The following RALGAPB variants were observed in gnomAD, a reference collection of about 807,000 sequenced individuals.
The protein encoded by RALGAPB is Ral GTPase activating protein non-catalytic subunit beta.
In RALGAPB, 25 loss-of-function variants were observed where a neutral mutation model predicts 161.1. The ratio of observed to expected loss-of-function variants is 0.16; its 90% CI spans 0.11 to 0.22. The LOEUF (loss-of-function observed/expected upper bound fraction) is 0.22. RALGAPB is among the 10% of genes least tolerant of loss of function. The pLI is 1.00. For synonymous variants in RALGAPB, 629 were observed against 626.1 expected, an observed-to-expected ratio of 1.00 and a Z score of -0.07; for missense variants, 1,391 against 1,815.2, an observed-to-expected ratio of 0.77 and a Z score of 4.25.
At chr20:38,524,659 C>T (rs2086403728) in intron 10 of RALGAPB, 119 bp from the exon 11 acceptor site, 1 of 760,348 alleles carries the variant, frequency 1.3e-6, no homozygotes, top group African/African-American at 1.8e-5. Flanking sequence ...AATGTCCTTT[C>T]TTTAAAGGGT....
At chr20:38,499,372 C>G in intron 4 of RALGAPB, 75 bp from the exon 5 acceptor site, 1 of 1,286,272 alleles carries the variant, frequency 7.8e-7, no homozygotes, top group Non-Finnish European at 1.1e-6. Flanking sequence ...TTGACCAGTT[C>G]TCCCAAATCA....
chr20:38,534,721 A>C (rs1426495752), intron 15 of RALGAPB, among the ~76,000 whole-genome samples: 1 of 152,234 alleles, frequency 6.6e-6, no homozygotes, highest in Non-Finnish European at 1.5e-5. Context: ...GTTTCAAGGA[A>C]ATAATTGATA....
intron 9 of RALGAPB, 95 bp from the exon 10 acceptor site, chr20:38,521,402 T>C: frequency 6.5e-7 from 1 of 1,546,372 alleles, no homozygotes; most frequent in African/African-American, 1.4e-5. Context: ...CAAGTAGCTA[T>C]TTAATGACAC....
At chr20:38,523,787 T>C (rs1045355118) in intron 10 of RALGAPB, among the ~76,000 whole-genome samples, 2 of 152,132 alleles carry the variant, frequency 1.3e-5, no homozygotes, top group Non-Finnish European at 2.9e-5. Flanking sequence ...GAACACCATC[T>C]TTAGGGGGCA....
At chr20:38,532,201 G>A (rs1359130162) in intron 14 of RALGAPB, among the ~76,000 whole-genome samples, 3 of 152,028 alleles carry the variant, frequency 2.0e-5, no homozygotes, top group Non-Finnish European at 2.9e-5. Context: ...GACTACAGGC[G>A]CCTGCCACTG....
chr20:38,481,590 G>A (rs994238517), intron 1 of RALGAPB, among the ~76,000 whole-genome samples: 2 of 152,166 alleles, frequency 1.3e-5, no homozygotes, highest in African/African-American at 2.4e-5. Flanking sequence ...ACCTCCCACA[G>A]GGTTCCTCCC....
At position 38,577,000 on chromosome 20, in the gene RALGAPB, A is replaced by G. The variant is rs2088462699; in HGVS notation, c.*2033A>G. Reference sequence around the variant, plus strand: ...CTTCAGTTAGCTCTAAATTCTGGCAACTCCTTGTAATTCCAATGTATTTGA... The same window carrying G: ...CTTCAGTTAGCTCTAAATTCTGGCAGCTCCTTGTAATTCCAATGTATTTGA... On this transcript the variant is annotated 3_prime_UTR_variant, in exon 30 of 30. Coordinates refer to ENST00000262879, the MANE Select transcript of RALGAPB (RefSeq NM_020336.4). 6.6e-6 allele frequency: 1 copy of G among 152,448 alleles called. No homozygotes were observed. The highest frequency in any genetic ancestry group is 2.4e-5 in the African/African-American group (1 of 41,380). 9.4% of individuals were successfully genotyped at this position (152,448 alleles called of 1,614,324 possible). A position where few individuals can be genotyped will look rare whatever the true frequency, so the allele number is the denominator to read the frequency against.
rs995012023 is a variant in RALGAPB at position 38,474,931 on chromosome 20, G to A, written c.-31+1862G>A. 2.6e-5 allele frequency among the ~76,000 whole-genome samples: 4 copies of A among 152,252 alleles called. No individual in the cohort carries two copies. In the South Asian group the frequency reaches 8.3e-4, roughly 32 times the overall value. ...CCATTTTTGTAAAAGATGTTTGGTA[G>A]TTCCCAGCTTATAGAGTTTTGTTCT... On this transcript the variant is annotated intron_variant, in intron 1 of 29. Coordinates refer to ENST00000262879, the MANE Select transcript of RALGAPB (RefSeq NM_020336.4).
In RALGAPB at chr20:38,535,177, A is replaced by T. The variant is rs1434140008; in HGVS notation, c.2349A>T (p.Ala783=). The T allele has an allele frequency of 6.2e-7, 1 of 1,614,106 alleles. No homozygotes were observed. The highest frequency in any genetic ancestry group is 2.2e-5 in the East Asian group (1 of 44,904). ...GCCAAGACATGAGCATATCACTGGC[A>T]GCTCTAGAGCTCCTCTCTGGCCTTG... ...QWRQDMSISL[A]ALELLSGLAK... is the part of the protein sequence containing the mutation. The change falls in exon 16 of 30, where the codon GCA becomes GCT. Residue 783 remains alanine (A), a synonymous_variant. Transcript: ENST00000262879.
Position 38,576,792 on chromosome 20 carries a change from G to T in RALGAPB, c.*1825G>T, listed in dbSNP as rs1295076599. ...GAGGGGAAAATGGGCTCTTGTTCTAGTTGAAGTGAGCAGAGAAGGCTATAA... is the reference window on the plus strand; with the variant it reads ...GAGGGGAAAATGGGCTCTTGTTCTATTTGAAGTGAGCAGAGAAGGCTATAA... On this transcript the variant is annotated 3_prime_UTR_variant, in exon 30 of 30. Coordinates refer to ENST00000262879, the MANE Select transcript of RALGAPB (RefSeq NM_020336.4). The T allele has an allele frequency of 6.6e-6, 1 of 152,620 alleles. No homozygotes were observed. The highest frequency in any genetic ancestry group is 2.4e-5 in the African/African-American group (1 of 41,454). The allele number at this position is 152,620 out of a possible 1,614,324, so 9.5% of individuals were successfully genotyped here.
In RALGAPB at chr20:38,517,647, C is replaced by T. The variant is rs1285525712; in HGVS notation, c.1193C>T (p.Thr398Ile). The part of the protein sequence containing the change: ...AVTVNKATMK[T>I]STVSTAHASK... Reference sequence around the variant, plus strand: ...ACTGTGAATAAGGCCACCATGAAGACAAGCACAGTAAGAGTTTACATCACC... The same window carrying T: ...ACTGTGAATAAGGCCACCATGAAGATAAGCACAGTAAGAGTTTACATCACC... Residue 398 changes from threonine (T) to isoleucine (I), a missense_variant, in exon 8 of 30, where the codon ACA (threonine) becomes ATA (isoleucine). Transcript: ENST00000262879. The T allele has an allele frequency of 3.1e-6, 5 of 1,613,574 alleles. No individual in the cohort carries two copies. The East Asian group carries it at 1.1e-4, about 36-fold the overall frequency.
At chr20:38,510,553 TG>T (rs2085910867) in intron 6 of RALGAPB, among the ~76,000 whole-genome samples, 1 of 152,182 alleles carries the variant, frequency 6.6e-6, no homozygotes. Context: ...CGAAACCTTC[TG>T]GGGTTTGGAT....
intron 19 of RALGAPB, 110 bp downstream of exon 19, chr20:38,546,540 G>A: frequency 1.4e-6 from 2 of 1,440,562 alleles, no homozygotes; most frequent in Non-Finnish European, 1.9e-6. Context: ...AAGTAGGTCA[G>A]AAAGATTTCT....
chr20:38,521,696 C>T lies in RALGAPB; in HGVS notation c.1617C>T (p.Ser539=). The T allele has an allele frequency of 6.2e-7, 1 of 1,613,002 alleles. No homozygotes were observed. The change falls in exon 10 of 30, where the codon TCC becomes TCT. Residue 539 remains serine (S), a splice_region_variant and synonymous_variant. Transcript: ENST00000262879. ...AAGAGATTCTGCCAGCTTATTTATCCAGGTCTTGGAATTTTTGTTTGTTTT... is the reference window on the plus strand; with the variant it reads ...AAGAGATTCTGCCAGCTTATTTATCTAGGTCTTGGAATTTTTGTTTGTTTT... ...TGEEILPAYL[S]RFYMLLIQGL...
At chr20:38,554,106 A>G (rs768714936) in intron 22 of RALGAPB, 30 bp downstream of exon 22, 1 of 1,507,852 alleles carries the variant, frequency 6.6e-7, no homozygotes. Flanking sequence ...ATGAATAAAT[A>G]TATTCACAAG....
chr20:38,523,102 C>T (rs994074459), intron 10 of RALGAPB, among the ~76,000 whole-genome samples: 3 of 151,718 alleles, frequency 2.0e-5, no homozygotes, highest in Non-Finnish European at 4.4e-5. Flanking sequence ...TGCAGTGAGC[C>T]GAGATTGTGC....
intron 1 of RALGAPB, among the ~76,000 whole-genome samples, chr20:38,479,836 C>T (rs2084914673): frequency 6.6e-6 from 1 of 152,176 alleles, no homozygotes; most frequent in African/African-American, 2.4e-5. Context: ...ACCCCCCTGA[C>T]CGCCCTCAAC....
chr20:38,494,094 A>G (rs1360037455), intron 3 of RALGAPB, among the ~76,000 whole-genome samples: 2 of 152,108 alleles, frequency 1.3e-5, no homozygotes, highest in Non-Finnish European at 2.9e-5. Context: ...CAGCGATCAC[A>G]CCTTCTCTGA....
intron 13 of RALGAPB, among the ~76,000 whole-genome samples, chr20:38,529,118 TA>T (rs762549764): frequency 1.3e-5 from 2 of 152,200 alleles, no homozygotes; most frequent in Non-Finnish European, 2.9e-5. Flanking sequence ...TTTGATTCCC[TA>T]AAAACTTAAC....
Sources: allele counts gnomAD v4.1 joint callset (sites outside exome capture counted in the v4.1 genomes callset), GRCh38; gene constraint gnomAD v4.1.1; transcripts MANE v1.5; gene names NCBI Gene and HGNC (gene_info 2026-07-23, HGNC 2026-07-21).